The following RTN1 variants were observed in gnomAD, a reference collection of about 807,000 sequenced individuals.
RTN1 encodes the protein reticulon-1.
A neutral mutation model predicts 65.5 loss-of-function variants in RTN1; 25 were observed. The ratio of observed to expected loss-of-function variants is 0.38; its 90% CI spans 0.28 to 0.53. RTN1 has a LOEUF of 0.53. Among genes scored for constraint, RTN1 ranks in the 20% least tolerant of loss-of-function variants. RTN1 has a pLI of 0.79. For synonymous variants in RTN1, 471 were observed against 447.6 expected (o/e 1.05, Z -0.66); for missense variants, 983 against 1,025.4 (o/e 0.96, Z 0.57).
intron 5 of RTN1, chr14:59,604,963 G>C (rs889169377): frequency 6.5e-6 from 1 of 153,898 alleles, no homozygotes; most frequent in African/African-American, 2.4e-5. Flanking sequence ...GTAGAATCTA[G>C]AGTTTCCTTC....
chr14:59,853,077 T>C (rs1364443610), intron 1 of RTN1, among the ~76,000 whole-genome samples: 1 of 152,214 alleles, frequency 6.6e-6, no homozygotes, highest in Admixed American at 6.5e-5. Context: ...TCTGGAATCA[T>C]TGATTTCTAA....
intron 2 of RTN1, among the ~76,000 whole-genome samples, chr14:59,736,877 ATG>A (rs1290043579): frequency 3.6e-5 from 2 of 55,958 alleles, no homozygotes; most frequent in African/African-American, 8.9e-5. Context: ...AAATCAAAAC[ATG>A]TGATTAATCA....
At chr14:59,785,588 T>C (rs1250346712) in intron 1 of RTN1, among the ~76,000 whole-genome samples, 1 of 152,238 alleles carries the variant, frequency 6.6e-6, no homozygotes, top group Non-Finnish European at 1.5e-5. Flanking sequence ...TGGCAAATAG[T>C]TTTGCTTGAA....
chr14:59,745,088 T>C (rs1885189113), intron 2 of RTN1, among the ~76,000 whole-genome samples: 1 of 152,172 alleles, frequency 6.6e-6, no homozygotes, highest in African/African-American at 2.4e-5. Context: ...CTTGTGGCTT[T>C]ATATGAAGAA....
chr14:59,654,152 G>A (rs529882728), intron 3 of RTN1, among the ~76,000 whole-genome samples: 40 of 152,234 alleles, frequency 2.6e-4, no homozygotes, highest in African/African-American at 8.9e-4. Context: ...GGGGCTGGAC[G>A]CAGTGGCTCA....
At position 59,712,727 on chromosome 14, in the gene RTN1, C is replaced by A. The variant is rs1400655744; in HGVS notation, c.1765+14192G>T. The stretch of plus-strand genomic sequence containing the variant: ...AGGAGTTTGAGACCAGCCTGGGCAA[C>A]ATGGTGAAACCCTGTCTCTACTAAA... On this transcript the variant is annotated intron_variant, in intron 3 of 8. Coordinates refer to ENST00000267484, the MANE Select transcript of RTN1 (RefSeq NM_021136.3). Among the ~76,000 whole-genome samples, 5 of 152,122 alleles carry A rather than the reference C, an allele frequency of 3.3e-5. No homozygotes were observed. In the East Asian group the frequency reaches 9.6e-4, roughly 29 times the overall value.
At chr14:59,610,633 C>T (rs76168328) in intron 3 of RTN1, among the ~76,000 whole-genome samples, 37 of 152,346 alleles carry the variant, frequency 2.4e-4, no homozygotes, top group African/African-American at 7.9e-4. Flanking sequence ...ATAGGCTCAA[C>T]TAACTTTAGG....
At chr14:59,765,247 C>A (rs1435876943) in intron 1 of RTN1, among the ~76,000 whole-genome samples, 2 of 152,118 alleles carry the variant, frequency 1.3e-5, no homozygotes, top group East Asian at 1.9e-4. Flanking sequence ...CTAGGCTTCC[C>A]AGTAGGGTGA....
rs1394550260 is a variant in RTN1 at position 59,749,146 on chromosome 14, C to CTATA, written c.242-2666_242-2665insTATA. 4.6e-5 allele frequency among the ~76,000 whole-genome samples: 5 copies of CTATA among 108,834 alleles called. 1 individual carries two copies. The highest frequency in any genetic ancestry group is 2.3e-4 in the African/African-American group (5 of 21,616). 71.4% of individuals were successfully genotyped at this position (108,834 alleles called of 152,430 possible). A position where few individuals can be genotyped will look rare whatever the true frequency, so the allele number is the denominator to read the frequency against. On this transcript the variant is annotated intron_variant, in intron 1 of 8. Coordinates refer to ENST00000267484, the MANE Select transcript of RTN1 (RefSeq NM_021136.3). Reference sequence around the variant, plus strand: ...TATAGATATATCTATATCTATCTATCTATCTATCTATATCTATCTATATAT... The same window carrying CTATA: ...TATAGATATATCTATATCTATCTATCTATATATCTATCTATATCTATCTATATAT...
intron 1 of RTN1, among the ~76,000 whole-genome samples, chr14:59,749,428 C>A (rs545745480): frequency 2.3e-5 from 2 of 88,784 alleles, no homozygotes; most frequent in African/African-American, 5.3e-5. Flanking sequence ...ATCTATATAT[C>A]TATATATATC....
intron 3 of RTN1, among the ~76,000 whole-genome samples, chr14:59,694,809 G>A (rs1884029971): frequency 6.6e-6 from 1 of 152,160 alleles, no homozygotes; most frequent in African/African-American, 2.4e-5. Context: ...CTAGCTACTT[G>A]TTTCCTCCCC....
intron 2 of RTN1, among the ~76,000 whole-genome samples, chr14:59,730,768 C>A (rs978770960): frequency 1.3e-5 from 2 of 152,104 alleles, no homozygotes; most frequent in Non-Finnish European, 2.9e-5. Context: ...TCATTATTCA[C>A]CAGAGAAATG....
At chr14:59,629,763 T>C (rs922414772) in intron 3 of RTN1, among the ~76,000 whole-genome samples, 1 of 152,168 alleles carries the variant, frequency 6.6e-6, no homozygotes, top group Non-Finnish European at 1.5e-5. Context: ...AATAAATCTG[T>C]TATACCAAGG....
In RTN1 at chr14:59,741,402, A is replaced by G. The variant is rs117609950; in HGVS notation, c.1015+4306T>C. Among the ~76,000 whole-genome samples, 5 of 152,230 alleles carry G rather than the reference A, an allele frequency of 3.3e-5. No homozygotes were observed. The East Asian group carries it at 5.8e-4, about 18-fold the overall frequency. On this transcript the variant is annotated intron_variant, in intron 2 of 8. Coordinates refer to ENST00000267484, the MANE Select transcript of RTN1 (RefSeq NM_021136.3). ...CCTTGCTGTATTTTTCTTCATAACC[A>G]TTATAACTACCTGATATTATATTAT...
At chr14:59,631,521 T>C (rs1170408370) in intron 3 of RTN1, among the ~76,000 whole-genome samples, 1 of 152,126 alleles carries the variant, frequency 6.6e-6, no homozygotes, top group Non-Finnish European at 1.5e-5. Context: ...CAAGCCCAGG[T>C]AGTTAAGGAT....
At position 59,750,244 on chromosome 14, in the gene RTN1, T is replaced by G. The variant is rs867265382; in HGVS notation, c.242-3763A>C. On this transcript the variant is annotated intron_variant, in intron 1 of 8. Coordinates refer to ENST00000267484, the MANE Select transcript of RTN1 (RefSeq NM_021136.3). ...TTATATCTATAATATATATATTATA[T>G]CTATAATATATAATATATATAATAT... Among the ~76,000 whole-genome samples, 11 of 65,532 alleles carry G rather than the reference T, an allele frequency of 1.7e-4. 2 individuals are homozygous for G. The highest frequency in any genetic ancestry group is 1.1e-3 in the African/African-American group (11 of 10,318). The allele number at this position is 65,532 out of a possible 152,430, so 43.0% of individuals were successfully genotyped here.
chr14:59,704,781 A>G (rs1187809180), intron 3 of RTN1, among the ~76,000 whole-genome samples: 3 of 152,110 alleles, frequency 2.0e-5, no homozygotes, highest in Admixed American at 2.0e-4. Context: ...GCTGCAGCTG[A>G]TTCCCGGACA....
At chr14:59,834,252 A>C (rs1187101583) in intron 1 of RTN1, among the ~76,000 whole-genome samples, 1 of 152,182 alleles carries the variant, frequency 6.6e-6, no homozygotes, top group Non-Finnish European at 1.5e-5. Context: ...GAAACTATAA[A>C]ATTTCTAGAA....
At chr14:59,802,517 C>A (rs1160124046) in intron 1 of RTN1, among the ~76,000 whole-genome samples, 1 of 152,126 alleles carries the variant, frequency 6.6e-6, no homozygotes, top group Non-Finnish European at 1.5e-5. Flanking sequence ...TAGAAAACAA[C>A]CTTTAATCCA....
Sources: allele counts gnomAD v4.1 joint callset (sites outside exome capture counted in the v4.1 genomes callset), GRCh38; gene constraint gnomAD v4.1.1; transcripts MANE v1.5; gene names NCBI Gene and HGNC (gene_info 2026-07-23, HGNC 2026-07-21).